Variants in HHAT observed in about 807,000 individuals in gnomAD.
HHAT encodes the protein protein-cysteine N-palmitoyltransferase HHAT.
A neutral mutation model predicts 70.8 loss-of-function variants in HHAT; 47 were observed. That is an observed-to-expected ratio of 0.66 (90% CI 0.53 to 0.85). The LOEUF is 0.85. Ranked by LOEUF, HHAT falls within the 40% of genes least tolerant of loss-of-function variation. The pLI is 0.00. For synonymous variants in HHAT, 228 were observed against 247.6 expected, an observed-to-expected ratio of 0.92 and a Z score of 0.74; for missense variants, 609 against 604.8, an observed-to-expected ratio of 1.01 and a Z score of -0.07.
rs566728796 is a variant in HHAT, at chr1:210,421,247, G to A, written c.856+2922G>A. ...AGACCTCAAAATATACTACAAAGCT[G>A]TAGTAACCAAAACATCATGGTACTG... On this transcript the variant is annotated intron_variant, in intron 7 of 11. Coordinates refer to ENST00000261458, the MANE Select transcript of HHAT (RefSeq NM_018194.6). 4.0e-5 allele frequency among the ~76,000 whole-genome samples: 6 copies of A among 148,340 alleles called. No homozygotes were observed. In the South Asian group the frequency reaches 1.3e-3, roughly 32 times the overall value.
chr1:210,484,829 T>C (rs2094450329), intron 8 of HHAT, among the ~76,000 whole-genome samples: 1 of 152,208 alleles, frequency 6.6e-6, no homozygotes, highest in African/African-American at 2.4e-5. Context: ...GTCTCAGTCT[T>C]AGCCAATGGG....
chr1:210,609,879 A>G (rs1396586212), intron 10 of HHAT, among the ~76,000 whole-genome samples: 1 of 152,180 alleles, frequency 6.6e-6, no homozygotes, highest in East Asian at 1.9e-4. Context: ...TTCATGGTGT[A>G]TATATACCAC....
At chr1:210,502,120 C>T (rs373373994) in intron 8 of HHAT, among the ~76,000 whole-genome samples, 7 of 151,606 alleles carry the variant, frequency 4.6e-5, no homozygotes, top group African/African-American at 1.7e-4. Flanking sequence ...CACGGTGGCT[C>T]ACGCCTGTAA....
At chr1:210,364,874 A>G (rs2088747663) in intron 3 of HHAT, among the ~76,000 whole-genome samples, 1 of 152,086 alleles carries the variant, frequency 6.6e-6, no homozygotes, top group African/African-American at 2.4e-5. Context: ...AGACACACAC[A>G]CTCTGGGAGC....
intron 8 of HHAT, among the ~76,000 whole-genome samples, chr1:210,479,482 C>T (rs2094358349): frequency 1.3e-5 from 2 of 152,260 alleles, no homozygotes; most frequent in African/African-American, 4.8e-5. Flanking sequence ...GTAGATTAGT[C>T]GGAGAAGGCC....
rs543178110 is a variant in HHAT at position 210,418,334 on chromosome 1, G to A, written c.856+9G>A. 17 of 1,568,264 alleles carry A rather than the reference G, an allele frequency of 1.1e-5. No individual in the cohort carries two copies. The highest frequency in any genetic ancestry group is 1.4e-5 in the Non-Finnish European group (16 of 1,156,100). Reference sequence around the variant, plus strand: ...CTCTTGTTGGACCTTAGGTAATTGTGGGAATCACCAACAGTGGGATGAGCC... The same window carrying A: ...CTCTTGTTGGACCTTAGGTAATTGTAGGAATCACCAACAGTGGGATGAGCC... On this transcript the variant is annotated intron_variant, in intron 7 of 11. Transcript: ENST00000261458.
chr1:210,422,442 TTC>T (rs1421199783), intron 7 of HHAT, among the ~76,000 whole-genome samples: 1 of 152,216 alleles, frequency 6.6e-6, no homozygotes, highest in Admixed American at 6.5e-5. Flanking sequence ...GTATTTTATC[TTC>T]TGTTTTTTCA....
At chr1:210,604,989 T>C (rs6540608) in intron 10 of HHAT, among the ~76,000 whole-genome samples, 148,530 of 152,274 alleles carry the variant, frequency 0.98, 72,547 homozygotes, top group East Asian at 1. Context: ...CAAATAGCTA[T>C]TGTGCTCCAG....
chr1:210,543,668 T>C (rs561925034), intron 9 of HHAT, among the ~76,000 whole-genome samples: 73 of 152,320 alleles, frequency 4.8e-4, no homozygotes, highest in African/African-American at 1.7e-3. Context: ...TGAATTCATT[T>C]TTGGGGCTCT....
intron 9 of HHAT, among the ~76,000 whole-genome samples, chr1:210,513,836 AATG>A (rs1206196560): frequency 3.3e-5 from 5 of 152,232 alleles, no homozygotes; most frequent in African/African-American, 1.2e-4. Flanking sequence ...ACTGGTAAAT[AATG>A]ATCGTTAAAA....
At chr1:210,458,646 T>G (rs1055462734) in intron 7 of HHAT, among the ~76,000 whole-genome samples, 18 of 151,732 alleles carry the variant, frequency 1.2e-4, no homozygotes, top group Non-Finnish European at 2.5e-4. Flanking sequence ...AAAGAGAAAG[T>G]GAAGGGAATA....
intron 8 of HHAT, among the ~76,000 whole-genome samples, chr1:210,502,383 CAA>C (rs1177468677): frequency 1.7e-3 from 144 of 87,018 alleles, no homozygotes; most frequent in African/African-American, 5.2e-3. Flanking sequence ...GACTCAGTCT[CAA>C]AAAAAAAAAA....
At chr1:210,435,479 G>A (rs1187671960) in intron 7 of HHAT, among the ~76,000 whole-genome samples, 1 of 151,834 alleles carries the variant, frequency 6.6e-6, no homozygotes, top group Non-Finnish European at 1.5e-5. Context: ...TCCATGGGGT[G>A]TGTATCCAGT....
intron 11 of HHAT, among the ~76,000 whole-genome samples, chr1:210,630,579 G>A (rs1029111246): frequency 6.6e-6 from 1 of 152,202 alleles, no homozygotes; most frequent in African/African-American, 2.4e-5. Context: ...TGCCTGCTCA[G>A]TGTTTGTTTC....
intron 10 of HHAT, among the ~76,000 whole-genome samples, chr1:210,602,987 GTTCTT>G (rs1012987562): frequency 2.0e-5 from 3 of 152,134 alleles, no homozygotes; most frequent in African/African-American, 7.2e-5. Context: ...ATTTTCAAGG[GTTCTT>G]TTTAACTTTC....
chr1:210,600,628 G>A (rs1183938311), intron 10 of HHAT, among the ~76,000 whole-genome samples: 2 of 152,128 alleles, frequency 1.3e-5, no homozygotes, highest in Admixed American at 6.5e-5. Context: ...TTTTCACAAA[G>A]CACCCAAGCT....
chr1:210,451,776 G>T (rs1391095705), intron 7 of HHAT, among the ~76,000 whole-genome samples: 2 of 152,086 alleles, frequency 1.3e-5, no homozygotes, highest in East Asian at 3.9e-4. Flanking sequence ...ACATGGTTTT[G>T]CTATGTTGCC....
At chr1:210,661,375 G>A (rs1170483728) in intron 11 of HHAT, among the ~76,000 whole-genome samples, 1 of 152,204 alleles carries the variant, frequency 6.6e-6, no homozygotes, top group African/African-American at 2.4e-5. Context: ...CAGTTAGAAT[G>A]ACAATCACTA....
chr1:210,593,112 A>G (rs145423776), intron 10 of HHAT, among the ~76,000 whole-genome samples: 1,628 of 151,968 alleles, frequency 0.011, 29 homozygotes, highest in African/African-American at 0.036. Flanking sequence ...TCCCACCTAT[A>G]AGTGAGAACA....
Sources: allele counts gnomAD v4.1 joint callset (sites outside exome capture counted in the v4.1 genomes callset), GRCh38; gene constraint gnomAD v4.1.1; transcripts MANE v1.5; gene names NCBI Gene and HGNC (gene_info 2026-07-23, HGNC 2026-07-21).